ZFYVE28: variants seen among roughly 807,000 people sequenced by gnomAD.
ZFYVE28 encodes lateral signaling target protein 2 homolog.
A neutral mutation model predicts 82.1 loss-of-function variants in ZFYVE28; 40 were observed. The ratio of observed to expected loss-of-function variants is 0.49; its 90% CI spans 0.38 to 0.63. The LOEUF is 0.63. Ranked by LOEUF, ZFYVE28 falls within the 30% of genes least tolerant of loss-of-function variation. ZFYVE28 has a pLI of 0.00. For synonymous variants in ZFYVE28, 612 were observed against 546.1 expected (o/e 1.12, Z -1.68); for missense variants, 1,321 against 1,242.1 (o/e 1.06, Z -0.96).
chr4:2,272,940 C>T (rs1317810430), intron 10 of ZFYVE28, among the ~76,000 whole-genome samples: 3 of 152,228 alleles, frequency 2.0e-5, no homozygotes, highest in African/African-American at 4.8e-5. Context: ...CCTGGGCGGG[C>T]AGCCCATCTG....
intron 1 of ZFYVE28, among the ~76,000 whole-genome samples, chr4:2,391,759 T>TTTTCC (rs1729864748): frequency 7.0e-6 from 1 of 142,946 alleles, no homozygotes. Flanking sequence ...TTTTTGTGAC[T>TTTTCC]GAGTCTTGCT....
At chr4:2,354,129 C>A in intron 1 of ZFYVE28, 56 bp from the exon 2 acceptor site, 1 of 1,413,878 alleles carries the variant, frequency 7.1e-7, no homozygotes, top group Non-Finnish European at 9.3e-7. Context: ...GGGGATGCCT[C>A]GGTTGGTTGC....
rs1206894011 is a variant in ZFYVE28, at chr4:2,305,355, C to T, written c.985G>A (p.Ala329Thr). The change falls in exon 8 of 13, where the codon GCA becomes ACA. Residue 329 changes from alanine to threonine, a missense_variant. By Grantham distance (58) the Ala-to-Thr change is moderately conservative (BLOSUM62 0). Coordinates refer to ENST00000290974, the MANE Select transcript of ZFYVE28 (RefSeq NM_020972.3). ...TACTGCATGGAGCAGGCCAGCTCTGCATCCGGGTCTTTGGCCTTAGCTGAG... is the reference window on the plus strand; with the variant it reads ...TACTGCATGGAGCAGGCCAGCTCTGTATCCGGGTCTTTGGCCTTAGCTGAG... ...PLSAKAKDPD[A>T]ELACSMQYDD... 2 of 1,612,640 alleles carry T rather than the reference C, an allele frequency of 1.2e-6. No individual in the cohort carries two copies. The highest frequency in any genetic ancestry group is 1.7e-5 in the Admixed American group (1 of 59,994).
rs889677980 is a variant in ZFYVE28, at chr4:2,335,123, A to G, written c.701+582T>C. Among the ~76,000 whole-genome samples, 12 of 151,450 alleles carry G rather than the reference A, an allele frequency of 7.9e-5. No individual in the cohort carries two copies. Among genetic ancestry groups the G allele is most frequent in the Middle Eastern group, 3.4e-3 (1 of 294 alleles). On this transcript the variant is annotated intron_variant, in intron 6 of 12. Transcript: ENST00000290974. This position sits in a 1 kb window ranked among gnomAD's most constrained non-coding sequence, Gnocchi z 5.8. ...GTCCTTGAGCCCCACAGGACCCTAC[A>G]GGCTGCCTTGAGTTCCCTGCTCTCC...
rs951451819 is a variant in ZFYVE28, at chr4:2,416,861, A to G, written c.39+1424T>C. ...AGCAAGGGGCGCCCCATGTACCGTA[A>G]GCCCTCAACCCAACACTCCGGCAAC... On this transcript the variant is annotated intron_variant, in intron 1 of 12. Transcript: ENST00000290974. This position sits in a 1 kb window ranked among gnomAD's most constrained non-coding sequence, Gnocchi z 4.6. Among the ~76,000 whole-genome samples the G allele has an allele frequency of 6.6e-6, 1 of 151,926 alleles. No individual in the cohort carries two copies. The highest frequency in any genetic ancestry group is 1.5e-5 in the Non-Finnish European group (1 of 68,002).
chr4:2,404,162 T>C (rs1168486874), intron 1 of ZFYVE28, among the ~76,000 whole-genome samples: 1 of 148,576 alleles, frequency 6.7e-6, no homozygotes, highest in Non-Finnish European at 1.5e-5. Context: ...CTAATAAAAA[T>C]ACAAAAAAAA....
At chr4:2,345,338 A>T (rs1723382921) in intron 2 of ZFYVE28, among the ~76,000 whole-genome samples, 1 of 152,224 alleles carries the variant, frequency 6.6e-6, no homozygotes, top group South Asian at 2.1e-4. Context: ...GTTATAACTG[A>T]TTCCCATGTG....
chr4:2,413,580 CG>C (rs906320571), intron 1 of ZFYVE28, among the ~76,000 whole-genome samples: 9 of 152,208 alleles, frequency 5.9e-5, no homozygotes, highest in African/African-American at 2.2e-4. Context: ...GTGCAGCATC[CG>C]GAACACTGGC....
At chr4:2,270,977 G>A (rs1735857032) in intron 12 of ZFYVE28, 121 bp from the exon 13 acceptor site, 1 of 1,412,912 alleles carries the variant, frequency 7.1e-7, no homozygotes, top group Non-Finnish European at 9.6e-7. Flanking sequence ...GGACTGCCCA[G>A]CCCCAGCTGC....
At chr4:2,346,781 G>A (rs894540181) in intron 2 of ZFYVE28, among the ~76,000 whole-genome samples, 11 of 151,166 alleles carry the variant, frequency 7.3e-5, no homozygotes, top group African/African-American at 2.7e-4. Flanking sequence ...AGACAAAGCA[G>A]AAGCATAAAA....
At chr4:2,402,556 T>C (rs1399192818) in intron 1 of ZFYVE28, among the ~76,000 whole-genome samples, 2 of 152,104 alleles carry the variant, frequency 1.3e-5, no homozygotes, top group Admixed American at 1.3e-4. Flanking sequence ...TGTTTCATAG[T>C]CGGATCCACA....
chr4:2,307,398 T>C (rs553783615), intron 7 of ZFYVE28, among the ~76,000 whole-genome samples: 2 of 152,330 alleles, frequency 1.3e-5, no homozygotes, highest in South Asian at 4.1e-4. Context: ...AATTATAACA[T>C]TTTTTCTTTA....
intron 8 of ZFYVE28, among the ~76,000 whole-genome samples, chr4:2,298,394 C>G (rs957860305): frequency 6.6e-6 from 1 of 152,200 alleles, no homozygotes; most frequent in Non-Finnish European, 1.5e-5. Flanking sequence ...AGTCGGTTCA[C>G]CAGGCACTGC....
chr4:2,291,982 C>T (rs1345831299), intron 8 of ZFYVE28, among the ~76,000 whole-genome samples: 2 of 152,174 alleles, frequency 1.3e-5, no homozygotes, highest in Non-Finnish European at 2.9e-5. Context: ...TCCAGCACGT[C>T]CTCCCAGGCC....
chr4:2,351,542 C>T (rs1472193448), intron 2 of ZFYVE28, among the ~76,000 whole-genome samples: 2 of 152,114 alleles, frequency 1.3e-5, no homozygotes, highest in Non-Finnish European at 2.9e-5. Context: ...GGTGAAACCC[C>T]GTCTCTACTA....
intron 1 of ZFYVE28, among the ~76,000 whole-genome samples, chr4:2,401,648 C>T (rs1172802506): frequency 6.6e-6 from 1 of 152,160 alleles, no homozygotes; most frequent in Non-Finnish European, 1.5e-5. Context: ...ATGGGCCTGC[C>T]TTTTTGGTCA....
chr4:2,300,066 G>A lies in ZFYVE28; in HGVS notation c.2051+4223C>T, dbSNP rs897262818. On this transcript the variant is annotated intron_variant, in intron 8 of 12. Transcript: ENST00000290974. The surrounding 1 kb of genome is among the most constrained non-coding windows in gnomAD (Gnocchi z 4.6). ...GCCTGCCTCAGCCCCCAAAGTGCTG[G>A]GAATACAAGCATAAGCCACCAGACC... Among the ~76,000 whole-genome samples, 3 of 152,168 alleles carry A rather than the reference G, an allele frequency of 2.0e-5. No individual in the cohort carries two copies. Among genetic ancestry groups the A allele is most frequent in the African/African-American group, 7.2e-5 (3 of 41,446 alleles).
At chr4:2,375,826 T>G (rs1728071654) in intron 1 of ZFYVE28, among the ~76,000 whole-genome samples, 1 of 152,160 alleles carries the variant, frequency 6.6e-6, no homozygotes, top group Admixed American at 6.5e-5. Flanking sequence ...ATGTGCAAGA[T>G]CTCATAGTTT....
intron 1 of ZFYVE28, among the ~76,000 whole-genome samples, chr4:2,399,843 C>T (rs3128782): frequency 0.85 from 129,288 of 152,226 alleles, 55,065 homozygotes; most frequent in Admixed American, 0.9. Context: ...GTACCAGTCA[C>T]GTGGGCCACA....
Sources: gnomAD v4.1 joint callset for allele counts (sites outside exome capture counted in the v4.1 genomes callset) on GRCh38, gnomAD v4.1.1 for gene constraint, Gnocchi (gnomAD v3.1) non-coding constraint, MANE v1.5 for transcripts, NCBI Gene and HGNC (gene_info 2026-07-23, HGNC 2026-07-21) for gene names.